The following SLC2A9 variants were observed in gnomAD, a reference collection of about 807,000 sequenced individuals.
SLC2A9 encodes solute carrier family 2, facilitated glucose transporter member 9.
A neutral mutation model predicts 50.6 loss-of-function variants in SLC2A9; 39 were observed. The ratio of observed to expected loss-of-function variants is 0.77; its 90% CI spans 0.60 to 1.01. SLC2A9 has a LOEUF of 1.01. Among genes scored for constraint, SLC2A9 ranks in the 50% least tolerant of loss-of-function variants. The probability of loss-of-function intolerance (pLI) is 0.00; values close to 1 mark genes in which losing one functional copy is unlikely to be tolerated. For missense variants in SLC2A9, 686 were observed against 677.6 expected, an observed-to-expected ratio of 1.01 and a Z score of -0.14; for synonymous variants, 324 against 276.9, an observed-to-expected ratio of 1.17 and a Z score of -1.69.
intron 3 of SLC2A9, among the ~76,000 whole-genome samples, chr4:9,819,301 A>G (rs548071416): frequency 8.5e-5 from 13 of 152,208 alleles, no homozygotes; most frequent in Admixed American, 4.6e-4. Flanking sequence ...CCCACCAGCC[A>G]TCTATTGGAG....
intron 10 of SLC2A9, among the ~76,000 whole-genome samples, chr4:9,843,116 G>A (rs1380467524): frequency 6.6e-6 from 1 of 152,074 alleles, no homozygotes; most frequent in African/African-American, 2.4e-5. Context: ...CAGTGCTTTT[G>A]GCCTGCCACA....
At chr4:9,871,789 C>T (rs1399883632) in intron 10 of SLC2A9, among the ~76,000 whole-genome samples, 1 of 152,194 alleles carries the variant, frequency 6.6e-6, no homozygotes, top group East Asian at 1.9e-4. Flanking sequence ...GGGGCACCTG[C>T]CCCATAAAAC....
chr4:9,944,651 G>A (rs985491083), intron 5 of SLC2A9, among the ~76,000 whole-genome samples: 7 of 152,168 alleles, frequency 4.6e-5, no homozygotes, highest in Non-Finnish European at 8.8e-5. Context: ...GGTGAACAGC[G>A]GAAAAGGTGA....
At chr4:9,885,515 T>C (rs957346147) in intron 10 of SLC2A9, among the ~76,000 whole-genome samples, 3 of 152,338 alleles carry the variant, frequency 2.0e-5, no homozygotes, top group East Asian at 1.9e-4. Flanking sequence ...AAGGTTTGTT[T>C]TGAAAAACCC....
intron 2 of SLC2A9, among the ~76,000 whole-genome samples, chr4:10,015,380 ACCTCCTGG>A (rs1274027975): frequency 6.6e-6 from 1 of 152,036 alleles, no homozygotes; most frequent in Non-Finnish European, 1.5e-5. Context: ...CAACACTGCC[ACCTCCTGG>A]CTGTGTGAAC....
intron 8 of SLC2A9, 119 bp downstream of exon 8, chr4:9,908,116 T>C (rs961569993): frequency 1.3e-6 from 1 of 771,092 alleles, no homozygotes; most frequent in African/African-American, 1.7e-5. Context: ...GGAAACCACA[T>C]TGTCCTAATT....
chr4:9,946,843 T>A (rs971047131), intron 5 of SLC2A9, among the ~76,000 whole-genome samples: 18 of 152,206 alleles, frequency 1.2e-4, no homozygotes, highest in Admixed American at 3.9e-4. Flanking sequence ...TAGGGGCTCA[T>A]GTCTTTTCTG....
intron 3 of SLC2A9, chr4:9,799,389 G>A (rs1351604038): frequency 6.6e-6 from 1 of 152,204 alleles, no homozygotes; most frequent in Non-Finnish European, 1.5e-5. Flanking sequence ...CTTGCTCTCT[G>A]CTTTAAGATG....
At chr4:9,950,615 A>G (rs1211831644) in intron 5 of SLC2A9, among the ~76,000 whole-genome samples, 1 of 152,110 alleles carries the variant, frequency 6.6e-6, no homozygotes, top group Non-Finnish European at 1.5e-5. Flanking sequence ...GGATGCAGAG[A>G]AAAAGGAAAA....
At chr4:9,891,735 C>T (rs576754497) in intron 8 of SLC2A9, among the ~76,000 whole-genome samples, 1 of 152,282 alleles carries the variant, frequency 6.6e-6, no homozygotes, top group Admixed American at 6.5e-5. Context: ...CTCAATGAGG[C>T]AATCAGGCGA....
At chr4:9,956,926 A>C (rs1418918752) in intron 5 of SLC2A9, among the ~76,000 whole-genome samples, 1 of 152,146 alleles carries the variant, frequency 6.6e-6, no homozygotes, top group Non-Finnish European at 1.5e-5. Context: ...CCAGTTTTAG[A>C]AGATGGAATA....
At chr4:9,778,053 TTTCC>T (rs1163039690), downstream of SLC2A9, among the ~76,000 whole-genome samples, 354 of 13,966 alleles carry the variant, frequency 0.025, 3 homozygotes, top group African/African-American at 0.064. Flanking sequence ...TCTTTCTTTC[TTTCC>T]TTCCTTCCTT....
chr4:10,009,269 G>A (rs896317753), intron 2 of SLC2A9, among the ~76,000 whole-genome samples: 2 of 152,158 alleles, frequency 1.3e-5, no homozygotes, highest in African/African-American at 4.8e-5. Context: ...CTCTAAGAGC[G>A]CCTGGGTTCC....
chr4:9,902,404 G>GA (rs1739803466), intron 8 of SLC2A9, among the ~76,000 whole-genome samples: 1 of 152,238 alleles, frequency 6.6e-6, no homozygotes, highest in South Asian at 2.1e-4. Flanking sequence ...TAGTCTTTGA[G>GA]AGGTAGCAGG....
chr4:9,945,136 C>A (rs1190190609), intron 5 of SLC2A9, among the ~76,000 whole-genome samples: 1 of 152,242 alleles, frequency 6.6e-6, no homozygotes, highest in Non-Finnish European at 1.5e-5. Context: ...TGAGCAGGGG[C>A]TTGCAGCCAG....
intron 9 of SLC2A9, among the ~76,000 whole-genome samples, chr4:9,888,607 G>T (rs966845034): frequency 6.6e-6 from 1 of 152,050 alleles, no homozygotes; most frequent in Admixed American, 6.6e-5. Flanking sequence ...CTGACTTGAA[G>T]GGAAGGTAAG....
intron 2 of SLC2A9, among the ~76,000 whole-genome samples, chr4:10,007,051 C>T (rs1459062892): frequency 6.6e-6 from 1 of 152,136 alleles, no homozygotes; most frequent in Non-Finnish European, 1.5e-5. Context: ...TGGACTTCAC[C>T]CCTGCACCTT....
Position 9,908,359 on chromosome 4 carries a change from A to C in SLC2A9, c.1003-14T>G, listed in dbSNP as rs1172328747. The C allele has an allele frequency of 6.5e-7, 1 of 1,545,756 alleles. No homozygotes were observed. The highest frequency in any genetic ancestry group is 9.0e-7 in the Non-Finnish European group (1 of 1,117,030). On this transcript the variant is annotated splice_polypyrimidine_tract_variant and intron_variant, in intron 7 of 11. Coordinates refer to ENST00000264784, the MANE Select transcript of SLC2A9 (RefSeq NM_020041.3). ...ATAGAACCAAATCTGTAATTCAGGA[A>C]AGAATGAGCAGAGAGAATGGTCAGT...
At chr4:9,882,926 T>C (rs1039619036) in intron 10 of SLC2A9, among the ~76,000 whole-genome samples, 1 of 152,194 alleles carries the variant, frequency 6.6e-6, no homozygotes, top group African/African-American at 2.4e-5. Flanking sequence ...TAGTGGGCTA[T>C]ACCTGGTCTA....
Sources: allele counts gnomAD v4.1 joint callset (sites outside exome capture counted in the v4.1 genomes callset), GRCh38; gene constraint gnomAD v4.1.1; transcripts MANE v1.5; gene names NCBI Gene and HGNC (gene_info 2026-07-23, HGNC 2026-07-21).